IQSEC1: variants seen among roughly 807,000 people sequenced by gnomAD.
IQSEC1 encodes the protein IQ motif and Sec7 domain ArfGEF 1.
A neutral mutation model predicts 91.0 loss-of-function variants in IQSEC1; 31 were observed. That is an observed-to-expected ratio of 0.34 (90% CI 0.26 to 0.46). The LOEUF is 0.46. Ranked by LOEUF, IQSEC1 falls within the 20% of genes least tolerant of loss-of-function variation. The pLI is 1.00. For missense variants in IQSEC1, 1,388 were observed against 1,575.6 expected, an observed-to-expected ratio of 0.88 and a Z score of 2.02; for synonymous variants, 699 against 662.6, an observed-to-expected ratio of 1.05 and a Z score of -0.84.
rs945610234 is a variant in IQSEC1 at position 13,205,178 on chromosome 3, G to A, written c.273-41045C>T. Among the ~76,000 whole-genome samples the A allele has an allele frequency of 9.2e-5, 14 of 152,122 alleles. No individual in the cohort carries two copies. The East Asian group carries it at 1.2e-3, about 13-fold the overall frequency. On this transcript the variant is annotated intron_variant, in intron 1 of 15. Transcript: ENST00000648114. ...GTACTGCTACAGCGAACTGCCCAGC[G>A]CACATCTCCCACCCCATCCTGAACA...
At chr3:13,178,805 G>C (rs1340599123) in intron 1 of IQSEC1, among the ~76,000 whole-genome samples, 1 of 152,218 alleles carries the variant, frequency 6.6e-6, no homozygotes. Context: ...GATTAAATAT[G>C]AAACCAATCC....
rs1183732405 is a variant in IQSEC1, at chr3:13,248,241, A to C, written c.272+34470T>G. 2.0e-5 allele frequency among the ~76,000 whole-genome samples: 3 copies of C among 152,210 alleles called. No homozygotes were observed. In the East Asian group the frequency reaches 5.8e-4, roughly 29 times the overall value. On this transcript the variant is annotated intron_variant, in intron 1 of 15. Transcript: ENST00000648114. ...GGAAATCCAGCATCTACGTGGGTTC[A>C]GGAGGAAGCCGGGGTTTTCCCCTTT...
At chr3:12,957,380 A>G (rs972847161) in intron 1 of IQSEC1, among the ~76,000 whole-genome samples, 1 of 152,216 alleles carries the variant, frequency 6.6e-6, no homozygotes, top group Non-Finnish European at 1.5e-5. Flanking sequence ...AGATGACCAG[A>G]AGCTTCCAAC....
At chr3:13,107,119 A>G (rs1447323791) in intron 2 of IQSEC1, among the ~76,000 whole-genome samples, 1 of 152,234 alleles carries the variant, frequency 6.6e-6, no homozygotes, top group Non-Finnish European at 1.5e-5. Flanking sequence ...TGGAGAAGGC[A>G]CAGAGTGGCT....
At chr3:12,917,640 T>C (rs111806320) in intron 6 of IQSEC1, among the ~76,000 whole-genome samples, 5,494 of 152,276 alleles carry the variant, frequency 0.036, 341 homozygotes, top group African/African-American at 0.12. Flanking sequence ...TATCCCTTCA[T>C]CTGCTCAAGG....
chr3:12,933,898 CA>C (rs960444577), intron 3 of IQSEC1, among the ~76,000 whole-genome samples: 2 of 152,276 alleles, frequency 1.3e-5, no homozygotes, highest in Non-Finnish European at 2.9e-5. Context: ...AGAATCTACA[CA>C]GACCAAAGCT....
chr3:13,239,154 A>G (rs1694979425), intron 1 of IQSEC1, among the ~76,000 whole-genome samples: 1 of 152,244 alleles, frequency 6.6e-6, no homozygotes, highest in Non-Finnish European at 1.5e-5. Flanking sequence ...CTTTGGTTGC[A>G]CTAAATTAAA....
intron 1 of IQSEC1, among the ~76,000 whole-genome samples, chr3:13,066,627 G>T (rs1413976802): frequency 1.3e-5 from 2 of 152,262 alleles, no homozygotes; most frequent in Non-Finnish European, 2.9e-5. Context: ...AGGCCAGGAG[G>T]ACCAGGAGAG....
chr3:13,259,754 C>T lies in IQSEC1; in HGVS notation c.272+22957G>A, dbSNP rs1228680634. ...CTCCAATGCTTACCTCCACCTGCTT[C>T]CACCTCTGGTCATCCACAGATGCCA... is the stretch of plus-strand genomic sequence containing the variant. On this transcript the variant is annotated intron_variant, in intron 1 of 15. Transcript: ENST00000648114. The surrounding 1 kb of genome is among the most constrained non-coding windows in gnomAD (Gnocchi z 4.6). Among the ~76,000 whole-genome samples the T allele has an allele frequency of 6.6e-6, 1 of 152,230 alleles. No homozygotes were observed. Among genetic ancestry groups the T allele is most frequent in the African/African-American group, 2.4e-5 (1 of 41,462 alleles).
chr3:13,263,440 A>AAG (rs1695428785), intron 1 of IQSEC1, among the ~76,000 whole-genome samples: 3 of 90,024 alleles, frequency 3.3e-5, no homozygotes, highest in Admixed American at 1.3e-4. Flanking sequence ...GGGGGGGGGG[A>AAG]AAGTACCTGA....
At chr3:13,003,276 C>CAAAAAAAAA (rs56239928) in intron 1 of IQSEC1, among the ~76,000 whole-genome samples, 2 of 57,094 alleles carry the variant, frequency 3.5e-5, no homozygotes, top group African/African-American at 6.5e-5. Flanking sequence ...CTGTCTCTAC[C>CAAAAAAAAA]AAAAAAAAAA....
At chr3:13,234,287 T>A (rs1387744390) in intron 1 of IQSEC1, among the ~76,000 whole-genome samples, 2 of 148,744 alleles carry the variant, frequency 1.3e-5, no homozygotes, top group Non-Finnish European at 3.0e-5. Flanking sequence ...CCCGTGTCTG[T>A]GCCTGTGGGT....
chr3:12,985,046 G>A (rs1336859581), intron 1 of IQSEC1, among the ~76,000 whole-genome samples: 2 of 151,942 alleles, frequency 1.3e-5, no homozygotes, highest in South Asian at 2.1e-4. Flanking sequence ...GGATGGTCTC[G>A]ATCTCCTGAC....
rs926836536 is a variant in IQSEC1, at chr3:12,899,940, T to C, written c.*1043A>G. 2.0e-6 allele frequency: 2 copies of C among 985,024 alleles called. No individual in the cohort carries two copies. Among genetic ancestry groups the C allele is most frequent in the African/African-American group, 1.7e-5 (1 of 57,148 alleles). 61.0% of individuals were successfully genotyped at this position (985,024 alleles called of 1,614,324 possible). A position where few individuals can be genotyped will look rare whatever the true frequency, so the allele number is the denominator to read the frequency against. ...CCCCTCTCGGAGGACTCTGAATGAG[T>C]GTGCGTCAAATCATATGCGCATAAA... is the stretch of plus-strand genomic sequence containing the variant. On this transcript the variant is annotated 3_prime_UTR_variant, in exon 14 of 14. Transcript: ENST00000613206.
intron 1 of IQSEC1, among the ~76,000 whole-genome samples, chr3:13,037,533 AG>A (rs1247176127): frequency 2.0e-5 from 3 of 152,238 alleles, no homozygotes; most frequent in African/African-American, 4.8e-5. Context: ...TGAAAAAACA[AG>A]GTGCACCTTG....
intron 1 of IQSEC1, among the ~76,000 whole-genome samples, chr3:13,263,551 T>C (rs550507016): frequency 8.7e-4 from 133 of 152,060 alleles, no homozygotes; most frequent in Middle Eastern, 3.4e-3. Flanking sequence ...CAAGCGATTC[T>C]CTTGCCTCAT....
intron 1 of IQSEC1, among the ~76,000 whole-genome samples, chr3:13,065,767 G>A (rs777820278): frequency 1.2e-4 from 19 of 152,162 alleles, no homozygotes; most frequent in Non-Finnish European, 2.1e-4. Context: ...CCAGGGACTC[G>A]GAGAGGTATT....
intron 1 of IQSEC1, among the ~76,000 whole-genome samples, chr3:13,067,372 C>T (rs1158175277): frequency 1.3e-5 from 2 of 152,230 alleles, no homozygotes; most frequent in African/African-American, 4.8e-5. Flanking sequence ...TCCTAAGCCC[C>T]CACTGGTGGT....
chr3:13,202,592 G>A (rs1694263850), intron 1 of IQSEC1, among the ~76,000 whole-genome samples: 1 of 152,190 alleles, frequency 6.6e-6, no homozygotes, highest in Non-Finnish European at 1.5e-5. Context: ...AACTCATGGA[G>A]ACAGAAAGTG....
Sources: allele counts gnomAD v4.1 joint callset (sites outside exome capture counted in the v4.1 genomes callset), GRCh38; gene constraint gnomAD v4.1.1; non-coding constraint Gnocchi (gnomAD v3.1); transcripts MANE v1.5; gene names NCBI Gene and HGNC (gene_info 2026-07-23, HGNC 2026-07-21).